Variants in SPRED1 observed in about 807,000 individuals in gnomAD.
SPRED1 encodes the protein sprouty-related, EVH1 domain-containing protein 1.
In SPRED1, 18 loss-of-function variants were observed where a neutral mutation model predicts 52.3. That is an observed-to-expected ratio of 0.34 (90% CI 0.24 to 0.51). The LOEUF (loss-of-function observed/expected upper bound fraction) is 0.51, where lower values mean the gene tolerates loss of function less well. Among genes scored for constraint, SPRED1 ranks in the 20% least tolerant of loss-of-function variants. The probability of loss-of-function intolerance (pLI) is 0.97; values close to 1 mark genes in which losing one functional copy is unlikely to be tolerated. For synonymous variants in SPRED1, 155 were observed against 179.7 expected (o/e 0.86, Z 1.10); for missense variants, 485 against 551.0 (o/e 0.88, Z 1.20).
At chr15:38,297,659 G>C (rs1895066356) in intron 1 of SPRED1, among the ~76,000 whole-genome samples, 1 of 145,812 alleles carries the variant, frequency 6.9e-6, no homozygotes, top group African/African-American at 2.6e-5. Flanking sequence ...GATAATTATG[G>C]TTGAACATGA....
intron 2 of SPRED1, among the ~76,000 whole-genome samples, chr15:38,318,495 T>C (rs1895534141): frequency 2.0e-5 from 3 of 152,148 alleles, no homozygotes; most frequent in Admixed American, 6.5e-5. Flanking sequence ...CAGATTTTGT[T>C]ACCTGGGTAT....
chr15:38,284,367 C>T (rs1894757915), intron 1 of SPRED1, among the ~76,000 whole-genome samples: 1 of 152,064 alleles, frequency 6.6e-6, no homozygotes, highest in South Asian at 2.1e-4. Flanking sequence ...TTAGATGTTA[C>T]ATTTCTGGGT....
intron 4 of SPRED1, among the ~76,000 whole-genome samples, chr15:38,339,294 T>C (rs1322194728): frequency 6.6e-6 from 1 of 152,192 alleles, no homozygotes; most frequent in African/African-American, 2.4e-5. Context: ...AGTAGACTAA[T>C]GTTGTCTTCT....
intron 6 of SPRED1, 74 bp downstream of exon 6, chr15:38,349,597 T>A: frequency 1.1e-6 from 1 of 872,824 alleles, no homozygotes; most frequent in Non-Finnish European, 1.8e-6. Context: ...CCAGTCTTTC[T>A]AATTCTCCAT....
At chr15:38,276,410 ATAAT>A (rs1248540584) in intron 1 of SPRED1, among the ~76,000 whole-genome samples, 2 of 152,140 alleles carry the variant, frequency 1.3e-5, no homozygotes, top group East Asian at 1.9e-4. Flanking sequence ...CTATCATTTC[ATAAT>A]TAGAGTAATA....
At chr15:38,325,038 A>G (rs1353297908) in intron 4 of SPRED1, among the ~76,000 whole-genome samples, 3 of 152,170 alleles carry the variant, frequency 2.0e-5, no homozygotes, top group Non-Finnish European at 4.4e-5. Flanking sequence ...AGGTCTTGCT[A>G]TGTTGCTCAA....
intron 5 of SPRED1, among the ~76,000 whole-genome samples, chr15:38,342,776 G>C (rs1487218821): frequency 6.6e-6 from 1 of 151,834 alleles, no homozygotes; most frequent in Admixed American, 6.6e-5. Flanking sequence ...TTTTGTTTTG[G>C]TTGTATAAAG....
Position 38,253,101 on chromosome 15 carries a change from G to A in SPRED1, c.-85G>A. On this transcript the variant is annotated 5_prime_UTR_variant, in exon 1 of 7. Transcript: ENST00000299084. ...CTGCCCCCGCGCCCCCCCGGCCGCC[G>A]CTGCCTCCTGCCCCTCGGTGCTGCT... 2 of 1,277,056 alleles carry A rather than the reference G, an allele frequency of 1.6e-6. No individual in the cohort carries two copies. The allele number at this position is 1,277,056 out of a possible 1,614,324, so 79.1% of individuals were successfully genotyped here. A position where few individuals can be genotyped will look rare whatever the true frequency, so the allele number is the denominator to read the frequency against.
rs1042808307 is a variant in SPRED1 at position 38,259,085 on chromosome 15, G to A, written c.32+5868G>A. ...TGACATACTTAAACAAAAGACTTAA[G>A]AGTAGAAGTGGTAGGAAGATTAGGT... is the stretch of plus-strand genomic sequence containing the variant. On this transcript the variant is annotated intron_variant, in intron 1 of 6. Coordinates refer to ENST00000299084, the MANE Select transcript of SPRED1 (RefSeq NM_152594.3). 5.3e-5 allele frequency among the ~76,000 whole-genome samples: 8 copies of A among 152,128 alleles called. No homozygotes were observed. The South Asian group carries it at 1.7e-3, about 32-fold the overall frequency.
chr15:38,347,461 C>CTTT (rs3075337), intron 5 of SPRED1, among the ~76,000 whole-genome samples: 59 of 93,232 alleles, frequency 6.3e-4, no homozygotes, highest in African/African-American at 2.3e-3. Flanking sequence ...CCGCTTGGAT[C>CTTT]TTTTTTTTTT....
intron 2 of SPRED1, among the ~76,000 whole-genome samples, chr15:38,301,059 T>G (rs1466204265): frequency 6.6e-6 from 1 of 151,904 alleles, no homozygotes; most frequent in Non-Finnish European, 1.5e-5. Context: ...GCTCGAAAAA[T>G]TATAAGAACA....
chr15:38,268,902 G>A (rs1382236232), intron 1 of SPRED1, among the ~76,000 whole-genome samples: 1 of 149,840 alleles, frequency 6.7e-6, no homozygotes, highest in Non-Finnish European at 1.5e-5. Flanking sequence ...TAAAGGAGTT[G>A]TAGAAACAGA....
intron 4 of SPRED1, among the ~76,000 whole-genome samples, chr15:38,326,921 C>A (rs2140998215): frequency 1.3e-5 from 2 of 152,312 alleles, no homozygotes; most frequent in African/African-American, 4.8e-5. Context: ...CTAGGAACTT[C>A]TAACATTGCC....
chr15:38,254,762 A>G (rs1197687890), intron 1 of SPRED1, among the ~76,000 whole-genome samples: 5 of 152,224 alleles, frequency 3.3e-5, no homozygotes, highest in Non-Finnish European at 5.9e-5. Flanking sequence ...CATTCATAAA[A>G]TACCTGGCTG....
rs1473221063 is a variant in SPRED1, at chr15:38,352,501, T to C, written c.*837T>C. ...TGTTCTGATGGGAACGTAACACTTA[T>C]TTTTATATAAAAAGAGACTGAGTAA... On this transcript the variant is annotated 3_prime_UTR_variant, in exon 7 of 7. Coordinates refer to ENST00000299084, the MANE Select transcript of SPRED1 (RefSeq NM_152594.3). 6.6e-6 allele frequency: 1 copy of C among 152,514 alleles called. No individual in the cohort carries two copies. The highest frequency in any genetic ancestry group is 2.4e-5 in the African/African-American group (1 of 41,436). 9.4% of individuals were successfully genotyped at this position (152,514 alleles called of 1,614,324 possible). A position where few individuals can be genotyped will look rare whatever the true frequency, so the allele number is the denominator to read the frequency against.
rs190620970 is a variant in SPRED1, at chr15:38,304,790, C to A, written c.207+5243C>A. 2.8e-4 allele frequency among the ~76,000 whole-genome samples: 42 copies of A among 152,312 alleles called. 1 individual carries two copies. The South Asian group carries it at 5.0e-3, about 18-fold the overall frequency. ...CCTGTCATTTCTTTTTTATTCCCCTCCTACTGCTCTTCAATTTCATGTCTT... is the reference window on the plus strand; with the variant it reads ...CCTGTCATTTCTTTTTTATTCCCCTACTACTGCTCTTCAATTTCATGTCTT... On this transcript the variant is annotated intron_variant, in intron 2 of 6. Coordinates refer to ENST00000299084, the MANE Select transcript of SPRED1 (RefSeq NM_152594.3).
At chr15:38,253,983 TC>T (rs755232417) in intron 1 of SPRED1, among the ~76,000 whole-genome samples, 1 of 152,162 alleles carries the variant, frequency 6.6e-6, no homozygotes, top group Non-Finnish European at 1.5e-5. Context: ...TTTAGAGCAT[TC>T]CGGTTTAAGT....
chr15:38,263,857 T>A (rs1241013385), intron 1 of SPRED1, among the ~76,000 whole-genome samples: 1 of 151,898 alleles, frequency 6.6e-6, no homozygotes, highest in Non-Finnish European at 1.5e-5. Context: ...TATAAGAAAG[T>A]GTACAAATTT....
intron 1 of SPRED1, among the ~76,000 whole-genome samples, chr15:38,294,523 T>A (rs890043107): frequency 6.6e-6 from 1 of 152,168 alleles, no homozygotes; most frequent in African/African-American, 2.4e-5. Context: ...CAACAGAAAT[T>A]TATTATATTT....
Sources: allele counts gnomAD v4.1 joint callset (sites outside exome capture counted in the v4.1 genomes callset), GRCh38; gene constraint gnomAD v4.1.1; transcripts MANE v1.5; gene names NCBI Gene and HGNC (gene_info 2026-07-23, HGNC 2026-07-21).